The following ACTL8 variants were observed in gnomAD, a reference collection of about 807,000 sequenced individuals.
ACTL8 encodes actin like 8.
In ACTL8, 3 loss-of-function variants were observed where a neutral mutation model predicts 9.3. That is an observed-to-expected ratio of 0.32 (90% CI 0.15 to 0.83). ACTL8 has a LOEUF of 0.83. Ranked by LOEUF, ACTL8 falls within the 40% of genes least tolerant of loss-of-function variation. The probability of loss-of-function intolerance (pLI) is 0.57; values close to 1 mark genes in which losing one functional copy is unlikely to be tolerated. For missense variants in ACTL8, 381 were observed against 492.2 expected, an observed-to-expected ratio of 0.77 and a Z score of 2.14; for synonymous variants, 224 against 205.9, an observed-to-expected ratio of 1.09 and a Z score of -0.75.
At chr1:17,799,946 GGTCT>G (rs1184772229) in intron 1 of ACTL8, among the ~76,000 whole-genome samples, 2 of 150,994 alleles carry the variant, frequency 1.3e-5, no homozygotes, top group Admixed American at 6.7e-5. Context: ...CTGTTCCGTT[GGTCT>G]GTCTGTTTTT....
chr1:17,788,436 C>A (rs1174266622), intron 1 of ACTL8, among the ~76,000 whole-genome samples: 1 of 152,230 alleles, frequency 6.6e-6, no homozygotes, highest in African/African-American at 2.4e-5. Flanking sequence ...GTGTGCCCAG[C>A]TCTGATGCCC....
chr1:17,781,907 A>G (rs1024360580), intron 1 of ACTL8, among the ~76,000 whole-genome samples: 10 of 152,196 alleles, frequency 6.6e-5, no homozygotes, highest in African/African-American at 2.4e-4. Context: ...GACAGGCCAC[A>G]AACACAGAAA....
chr1:17,790,667 C>T (rs966062371), intron 1 of ACTL8, among the ~76,000 whole-genome samples: 1 of 152,212 alleles, frequency 6.6e-6, no homozygotes, highest in Non-Finnish European at 1.5e-5. Flanking sequence ...GCCTTCAGGT[C>T]CTCCCTGATC....
intron 1 of ACTL8, among the ~76,000 whole-genome samples, chr1:17,794,319 A>G (rs1557438040): frequency 6.6e-6 from 1 of 150,812 alleles, no homozygotes; most frequent in African/African-American, 2.5e-5. Flanking sequence ...CCTTTTCCTC[A>G]TCTATAAAAT....
chr1:17,803,909 T>C (rs2066340550), intron 1 of ACTL8, among the ~76,000 whole-genome samples: 1 of 152,212 alleles, frequency 6.6e-6, no homozygotes, highest in Non-Finnish European at 1.5e-5. Flanking sequence ...TTTCTAGTTC[T>C]CAGTTTTTGT....
chr1:17,802,931 G>C (rs1180092401), intron 1 of ACTL8, among the ~76,000 whole-genome samples: 2 of 152,170 alleles, frequency 1.3e-5, no homozygotes, highest in African/African-American at 4.8e-5. Flanking sequence ...GTTGCAGTAA[G>C]CCGAGATCGT....
chr1:17,822,863 C>T, intron 1 of ACTL8, 122 bp from the exon 2 acceptor site: 2 of 665,110 alleles, frequency 3.0e-6, no homozygotes, highest in Non-Finnish European at 5.1e-6. Flanking sequence ...TGTGTAAAGG[C>T]TTGGAAGGGG....
chr1:17,804,933 C>T (rs1055061791), intron 1 of ACTL8, among the ~76,000 whole-genome samples: 5 of 152,148 alleles, frequency 3.3e-5, no homozygotes, highest in Admixed American at 6.5e-5. Context: ...CTTCTATCCT[C>T]AACCCAGCAG....
At chr1:17,781,344 G>A (rs1169889261) in intron 1 of ACTL8, among the ~76,000 whole-genome samples, 11 of 151,496 alleles carry the variant, frequency 7.3e-5, no homozygotes, top group Non-Finnish European at 1.5e-5. Flanking sequence ...AGGTTCAAGC[G>A]ATTCTCCTTC....
At chr1:17,794,529 C>T (rs2066263912) in intron 1 of ACTL8, among the ~76,000 whole-genome samples, 1 of 152,184 alleles carries the variant, frequency 6.6e-6, no homozygotes, top group Non-Finnish European at 1.5e-5. Flanking sequence ...GCAACAGTTA[C>T]CATAAATTGA....
At chr1:17,761,080 G>A (rs754250334) in intron 1 of ACTL8, among the ~76,000 whole-genome samples, 1 of 152,070 alleles carries the variant, frequency 6.6e-6, no homozygotes, top group South Asian at 2.1e-4. Context: ...ACTGCAGAGG[G>A]AGGAAAGAGG....
chr1:17,787,947 AG>A (rs2066210756), intron 1 of ACTL8, among the ~76,000 whole-genome samples: 3 of 152,104 alleles, frequency 2.0e-5, no homozygotes, highest in Admixed American at 1.3e-4. Context: ...GGGGGCTGAG[AG>A]GTATAAAGTG....
intron 1 of ACTL8, among the ~76,000 whole-genome samples, chr1:17,764,104 T>G (rs2066027462): frequency 6.6e-6 from 1 of 152,086 alleles, no homozygotes; most frequent in African/African-American, 2.4e-5. Context: ...GTGGGGGTGC[T>G]GGTGCTTTCA....
At chr1:17,777,334 TCTC>T (rs2066125241) in intron 1 of ACTL8, among the ~76,000 whole-genome samples, 2 of 152,064 alleles carry the variant, frequency 1.3e-5, no homozygotes, top group South Asian at 2.1e-4. Flanking sequence ...ACCAGCAACT[TCTC>T]CTGGCCAGCA....
At chr1:17,784,504 TGGAAGAATG>T (rs1200494815) in intron 1 of ACTL8, among the ~76,000 whole-genome samples, 1 of 152,222 alleles carries the variant, frequency 6.6e-6, no homozygotes, top group Non-Finnish European at 1.5e-5. Flanking sequence ...ACCATATGTT[TGGAAGAATG>T]ATTTGTCATA....
chr1:17,768,933 C>T (rs1198484675), intron 1 of ACTL8, among the ~76,000 whole-genome samples: 1 of 152,084 alleles, frequency 6.6e-6, no homozygotes, highest in Non-Finnish European at 1.5e-5. Flanking sequence ...TTCATGACAT[C>T]CCTCCTATGT....
chr1:17,818,541 C>T (rs1333479029), intron 1 of ACTL8, among the ~76,000 whole-genome samples: 1 of 152,264 alleles, frequency 6.6e-6, no homozygotes, highest in Non-Finnish European at 1.5e-5. Context: ...CCTTGCTACA[C>T]AGGCCTGCTG....
intron 1 of ACTL8, among the ~76,000 whole-genome samples, chr1:17,816,843 C>G (rs2066429804): frequency 6.6e-6 from 1 of 152,150 alleles, no homozygotes; most frequent in African/African-American, 2.4e-5. Flanking sequence ...GCATAGGTTC[C>G]TTTTCTTGGT....
rs201922502 is a variant in ACTL8, at chr1:17,764,581, C to CA, written c.-25+9077_-25+9078insA. The stretch of plus-strand genomic sequence containing the variant: ...AGCAGCCTAAGCTTCTGGGCACCCC[C>CA]CCACAGCATCTCTCATCCTGATGCC... On this transcript the variant is annotated intron_variant, in intron 1 of 2. Coordinates refer to ENST00000375406, the MANE Select transcript of ACTL8 (RefSeq NM_030812.3). Among the ~76,000 whole-genome samples, 4 of 152,164 alleles carry CA rather than the reference C, an allele frequency of 2.6e-5. No homozygotes were observed. In the South Asian group the frequency reaches 6.2e-4, roughly 24 times the overall value.
Sources: allele counts gnomAD v4.1 joint callset (sites outside exome capture counted in the v4.1 genomes callset), GRCh38; gene constraint gnomAD v4.1.1; transcripts MANE v1.5; gene names NCBI Gene and HGNC (gene_info 2026-07-23, HGNC 2026-07-21).